LAMA5: variants seen among roughly 807,000 people sequenced by gnomAD.
LAMA5 encodes the protein laminin subunit alpha-5.
Under a neutral mutation model 433.4 loss-of-function variants are expected in LAMA5, and 260 were observed. That is an observed-to-expected ratio of 0.60 (90% CI 0.54 to 0.66). The LOEUF (loss-of-function observed/expected upper bound fraction) is 0.66. Among genes scored for constraint, LAMA5 ranks in the 30% least tolerant of loss-of-function variants. The pLI is 0.00. For synonymous variants in LAMA5, 2,620 were observed against 2,226.6 expected, an observed-to-expected ratio of 1.18 and a Z score of -4.97; for missense variants, 5,378 against 5,258.5, an observed-to-expected ratio of 1.02 and a Z score of -0.70.
chr20:62,351,693 T>C lies in LAMA5; in HGVS notation c.956+11A>G, dbSNP rs200236008. 3.2e-4 allele frequency: 516 copies of C among 1,596,000 alleles called. 2 individuals are homozygous for C. The highest frequency in any genetic ancestry group is 6.4e-4 in the South Asian group (57 of 89,284). On this transcript the variant is annotated intron_variant, in intron 6 of 79. Transcript: ENST00000252999. ...TCACCTGAACGGGGCCTCACCTGAATGGGGCCTCACCTGAACGGGTCCGTG... is the reference window on the plus strand; with the variant it reads ...TCACCTGAACGGGGCCTCACCTGAACGGGGCCTCACCTGAACGGGTCCGTG...
Position 62,336,734 on chromosome 20 carries a change from C to A in LAMA5, c.2217G>T (p.Glu739Asp). The A allele has an allele frequency of 6.2e-7, 1 of 1,613,108 alleles. No homozygotes were observed. The highest frequency in any genetic ancestry group is 8.5e-7 in the Non-Finnish European group (1 of 1,179,994). The change falls in exon 17 of 80, where the codon GAG becomes GAT. Residue 739 changes from glutamate (E) to aspartate (D), a missense_variant and splice_region_variant. By Grantham distance (45) the Glu-to-Asp change is conservative. Transcript: ENST00000252999. Reference sequence around the variant, plus strand: ...CACACACGAGCAGACTTGGGCTCACCTCAGGAAGGGCAGGATCCACTGGGG... The same window carrying A: ...CACACACGAGCAGACTTGGGCTCACATCAGGAAGGGCAGGATCCACTGGGG... ...GLAPVDPALP[E>D]AQVPCMCRAH...
intron 23 of LAMA5, 95 bp from the exon 24 acceptor site, chr20:62,333,801 C>T: frequency 7.5e-7 from 1 of 1,330,068 alleles, no homozygotes; most frequent in Non-Finnish European, 9.9e-7. Flanking sequence ...GGTCCTACCA[C>T]CCACATGAGC....
At chr20:62,322,236 C>T in intron 47 of LAMA5, 33 bp downstream of exon 47, 2 of 1,563,946 alleles carry the variant, frequency 1.3e-6, no homozygotes, top group Non-Finnish European at 1.7e-6. Flanking sequence ...TCAGAAGTCC[C>T]CATCCGCCCT....
chr20:62,309,352 C>G lies in LAMA5; in HGVS notation c.11072G>C (p.Gly3691Ala). Residue 3691 changes from glycine (G) to alanine (A), a missense_variant, in exon 80 of 80, where the codon GGC becomes GCC. By Grantham distance (60) the Gly-to-Ala change is moderately conservative (BLOSUM62 0). Transcript: ENST00000252999. ...GGCTGTGTCCTAGGCGGCTGGGCAG[C>G]CACTGGCCCCCACTGCCCCGTGGAC... ...VEVHGAVGAS[G>A]CPAA 6.3e-7 allele frequency: 1 copy of G among 1,589,966 alleles called. No individual in the cohort carries two copies. The highest frequency in any genetic ancestry group is 2.2e-5 in the East Asian group (1 of 44,618).
rs1568938347 is a variant in LAMA5, at chr20:62,331,210, AGGC to A, written c.3553-84_3553-82del. ...TGCAGGCGGTACGATGGGGGGGTGC[AGGC>A]GGTACGATGGGGGGGTGCAGGCGGT... is the stretch of plus-strand genomic sequence containing the variant. On this transcript the variant is annotated intron_variant, in intron 28 of 79. Coordinates refer to ENST00000252999, the MANE Select transcript of LAMA5 (RefSeq NM_005560.6). 185 of 134,708 alleles carry A rather than the reference AGGC, an allele frequency of 1.4e-3. 31 individuals carry two copies. The highest frequency in any genetic ancestry group is 2.8e-3 in the Admixed American group (19 of 6,742). 8.3% of individuals were successfully genotyped at this position (134,708 alleles called of 1,614,324 possible). A position where few individuals can be genotyped will look rare whatever the true frequency, so the allele number is the denominator to read the frequency against.
At chr20:62,328,706 A>G in intron 34 of LAMA5, 138 bp downstream of exon 34, 1 of 898,822 alleles carries the variant, frequency 1.1e-6, no homozygotes, top group Non-Finnish European at 1.7e-6. Flanking sequence ...TCCTGGGCCC[A>G]GGCCCGCAGA....
Position 62,336,548 on chromosome 20 carries a change from C to T in LAMA5, c.2218-103G>A. On this transcript the variant is annotated intron_variant, in intron 17 of 79. Coordinates refer to ENST00000252999, the MANE Select transcript of LAMA5 (RefSeq NM_005560.6). ...ACAAGGGGTGGTGAGGGCTGAGGGC[C>T]CTCACCTGTGACTCACAGGAGTCAC... 4 of 1,187,052 alleles carry T rather than the reference C, an allele frequency of 3.4e-6. No homozygotes were observed. In the South Asian group the frequency reaches 4.0e-5, roughly 12 times the overall value. The allele number at this position is 1,187,052 out of a possible 1,614,324, so 73.5% of individuals were successfully genotyped here. A position where few individuals can be genotyped will look rare whatever the true frequency, so the allele number is the denominator to read the frequency against.
intron 30 of LAMA5, 23 bp downstream of exon 30, chr20:62,330,720 C>T: frequency 6.4e-7 from 1 of 1,556,100 alleles, no homozygotes; most frequent in South Asian, 1.2e-5. Context: ...CACCCCCGTC[C>T]CTCTAGAGAC....
At chr20:62,329,361 A>G in intron 32 of LAMA5, 108 bp from the exon 33 acceptor site, 1 of 778,934 alleles carries the variant, frequency 1.3e-6, no homozygotes, top group Non-Finnish European at 2.0e-6. Flanking sequence ...GAGTCCTGGC[A>G]GCAGCAGCCC....
At chr20:62,327,703 G>C in intron 36 of LAMA5, 34 bp from the exon 37 acceptor site, 1 of 1,603,252 alleles carries the variant, frequency 6.2e-7, no homozygotes, top group Non-Finnish European at 8.5e-7. Context: ...GTGGTCGGCA[G>C]GTGCCAGGTG....
chr20:62,332,626 C>T lies in LAMA5; in HGVS notation c.3374G>A (p.Gly1125Asp), dbSNP rs1265988454. Residue 1125 changes from glycine (G) to aspartate (D), a missense_variant, in exon 27 of 80, where the codon GGC becomes GAC. Coordinates refer to ENST00000252999, the MANE Select transcript of LAMA5 (RefSeq NM_005560.6). ...CCGCTGTGGGGTGTGCACGGCCACG[C>T]CCACCTCCTGGCGGGCATCCTCATT... Reference protein sequence around the residue: ...YANEDARQEVGVAVHTPQRAP... With the variant: ...YANEDARQEVDVAVHTPQRAP... 3 of 1,606,538 alleles carry T rather than the reference C, an allele frequency of 1.9e-6. No homozygotes were observed. Among genetic ancestry groups the T allele is most frequent in the Non-Finnish European group, 2.5e-6 (3 of 1,176,962 alleles).
rs912152002 is a variant in LAMA5, at chr20:62,352,932, G to T, written c.568+202C>A. On this transcript the variant is annotated intron_variant, in intron 3 of 79. Coordinates refer to ENST00000252999, the MANE Select transcript of LAMA5 (RefSeq NM_005560.6). ...AGAGATTCCTGGCGCCACAGCCCCT[G>T]GACTTGGCTGTGCCCGACGCCAGGG... is the stretch of plus-strand genomic sequence containing the variant. 6.7e-5 allele frequency: 35 copies of T among 523,652 alleles called. No homozygotes were observed. In the Admixed American group the frequency reaches 1.2e-3, roughly 18 times the overall value. The allele number at this position is 523,652 out of a possible 1,614,324, so 32.4% of individuals were successfully genotyped here.
In LAMA5 at chr20:62,310,403, GCCAGCAC is replaced by G. The variant is rs1568887498; in HGVS notation, c.10600+9_10600+15del. On this transcript the variant is annotated intron_variant, in intron 76 of 79. Transcript: ENST00000252999. ...GCCCTGCCCTGCTGAGGCCTGGGATGCCAGCACCCACAGACCTAAAGTGATAACTCCC... is the reference window on the plus strand; with the variant it reads ...GCCCTGCCCTGCTGAGGCCTGGGATGCCACAGACCTAAAGTGATAACTCCC... The G allele has an allele frequency of 6.3e-7, 1 of 1,588,836 alleles. No homozygotes were observed.
intron 45 of LAMA5, among the ~76,000 whole-genome samples, chr20:62,323,179 T>C (rs1601322995): frequency 6.9e-6 from 1 of 144,620 alleles, no homozygotes; most frequent in Non-Finnish European, 1.5e-5. Context: ...ATGGGGAGGG[T>C]CTGATTGTAG....
At position 62,327,946 on chromosome 20, in the gene LAMA5, G is replaced by C. The variant is rs146565862; in HGVS notation, c.4717C>G (p.Arg1573Gly). The change falls in exon 36 of 80, where the codon CGC becomes GGC. Residue 1573 changes from arginine to glycine, a missense_variant. Transcript: ENST00000252999. ...TCSPGFHGYP[R>G]CRPCDCHEAG... ...TCGTGACAGTCACAGGGGCGGCAGC[G>C]GGGGTAGCCATGGAAGCCCGGAGAG... 20 of 1,612,414 alleles carry C rather than the reference G, an allele frequency of 1.2e-5. No individual in the cohort carries two copies. Among genetic ancestry groups the C allele is most frequent in the Non-Finnish European group, 1.6e-5 (19 of 1,179,934 alleles).
chr20:62,364,606 G>A (rs994158300), intron 1 of LAMA5, among the ~76,000 whole-genome samples: 7 of 152,198 alleles, frequency 4.6e-5, no homozygotes, highest in African/African-American at 1.2e-4. Context: ...CAGAAGGGCC[G>A]ATAAGGACTT....
At position 62,314,818 on chromosome 20, in the gene LAMA5, G is replaced by A; in HGVS notation, c.8177C>T (p.Ala2726Val). Reference protein sequence around the residue: ...IGRVRELIAQARGAASKVKVP... With the variant: ...IGRVRELIAQVRGAASKVKVP... Reference sequence around the variant, plus strand: ...ACCCACCTTACTGGCAGCCCCCCGGGCCTGGGCAATGAGCTCTCGCACGCG... The same window carrying A: ...ACCCACCTTACTGGCAGCCCCCCGGACCTGGGCAATGAGCTCTCGCACGCG... Residue 2726 changes from alanine (A) to valine (V), a missense_variant, in exon 60 of 80, where the codon GCC becomes GTC. Physicochemically the swap from Ala to Val is moderately conservative, Grantham distance 64. Transcript: ENST00000252999. The A allele has an allele frequency of 6.2e-7, 1 of 1,612,828 alleles. No individual in the cohort carries two copies. The highest frequency in any genetic ancestry group is 8.5e-7 in the Non-Finnish European group (1 of 1,179,926).
chr20:62,344,617 T>A (rs1366943045), intron 11 of LAMA5, among the ~76,000 whole-genome samples: 1 of 151,966 alleles, frequency 6.6e-6, no homozygotes, highest in Non-Finnish European at 1.5e-5. Context: ...CCTGGCTAAT[T>A]TTTGTATTTT....
chr20:62,319,135 G>T, intron 51 of LAMA5, 122 bp from the exon 52 acceptor site: 1 of 1,077,216 alleles, frequency 9.3e-7, no homozygotes, highest in Non-Finnish European at 1.3e-6. Flanking sequence ...CGGAACCTGA[G>T]CGCACCTGGG....
Sources: gnomAD v4.1 joint callset for allele counts (sites outside exome capture counted in the v4.1 genomes callset) on GRCh38, gnomAD v4.1.1 for gene constraint, MANE v1.5 for transcripts, NCBI Gene and HGNC (gene_info 2026-07-23, HGNC 2026-07-21) for gene names.